Variants in PLCD1 observed in about 807,000 individuals in gnomAD.
PLCD1 encodes the protein phospholipase C delta 1.
A neutral mutation model predicts 87.4 loss-of-function variants in PLCD1; 71 were observed. The observed-to-expected ratio is 0.81, with a 90% CI of 0.67 to 0.99. The LOEUF (loss-of-function observed/expected upper bound fraction) is 0.99, where lower values mean the gene tolerates loss of function less well. Among genes scored for constraint, PLCD1 ranks in the 50% least tolerant of loss-of-function variants. The pLI is 0.00. For synonymous variants in PLCD1, 348 were observed against 399.2 expected (o/e 0.87, Z 1.53); for missense variants, 867 against 1,001.5 (o/e 0.87, Z 1.81).
chr3:38,020,572 T>C (rs368528966), intron 1 of PLCD1, among the ~76,000 whole-genome samples: 2 of 152,114 alleles, frequency 1.3e-5, no homozygotes, highest in Non-Finnish European at 2.9e-5. Flanking sequence ...AAGGTGACCA[T>C]GCAAACGGGA....
intron 3 of PLCD1, among the ~76,000 whole-genome samples, chr3:38,012,336 T>C (rs776455021): frequency 1.3e-5 from 2 of 151,912 alleles, no homozygotes; most frequent in Non-Finnish European, 2.9e-5. Context: ...TAATAATAAA[T>C]ATCCAACACT....
At position 38,011,674 on chromosome 3, in the gene PLCD1, C is replaced by T. The variant is rs777151005; in HGVS notation, c.429-1G>A. On this transcript the variant is annotated splice_acceptor_variant, in intron 3 of 14. Transcript: ENST00000334661. LOFTEE classifies it high-confidence loss of function. ...TTTTCGCAAGCAGGAGTGAATCCAG[C>T]TGGGCAAGAAGTAAGGAAAGAACCC... is the stretch of plus-strand genomic sequence containing the variant. 2.5e-6 allele frequency: 4 copies of T among 1,614,202 alleles called. No individual in the cohort carries two copies. The highest frequency in any genetic ancestry group is 2.2e-5 in the East Asian group (1 of 44,884).
intron 1 of PLCD1, 56 bp from the exon 2 acceptor site, chr3:38,020,408 A>AG: frequency 6.5e-7 from 1 of 1,544,782 alleles, no homozygotes; most frequent in Non-Finnish European, 8.9e-7. Context: ...CTGATGCCCT[A>AG]GGCCTCACAC....
intron 1 of PLCD1, chr3:38,024,430 G>C: frequency 6.2e-7 from 1 of 1,611,674 alleles, no homozygotes; most frequent in Non-Finnish European, 8.5e-7. Context: ...CCCAGGCACT[G>C]CATGGCCCTC....
rs1188986206 is a variant in PLCD1, at chr3:38,007,779, C to T, written c.2265G>A (p.Gln755=). 1.9e-6 allele frequency: 3 copies of T among 1,613,558 alleles called. No individual in the cohort carries two copies. In the African/African-American group the frequency reaches 4.0e-5, roughly 22 times the overall value. The change falls in exon 15 of 15, where the codon CAG becomes CAA. Residue 755 remains glutamine (Q), a synonymous_variant. Transcript: ENST00000334661. ...CCCACTGGCTTCCTCCAGCCTAGTC[C>T]TGGAGGGAGATCTTCACAAAGAGGG... is the stretch of plus-strand genomic sequence containing the variant. The part of the protein sequence containing the change: ...SATLFVKISL[Q]D
At position 38,008,330 on chromosome 3, in the gene PLCD1, T is replaced by C. The variant is rs182803730; in HGVS notation, c.1940A>G (p.Asn647Ser). 179 of 1,614,234 alleles carry C rather than the reference T, an allele frequency of 1.1e-4. No homozygotes were observed. Among genetic ancestry groups the C allele is most frequent in the Non-Finnish European group, 1.4e-4 (161 of 1,180,028 alleles). Residue 647 changes from asparagine (N) to serine (S), a missense_variant, in exon 13 of 15, where the codon AAT becomes AGT. Physicochemically the swap from Asn to Ser is conservative, Grantham distance 46. Transcript: ENST00000334661. ...TTTGGGGTCCACAATTGAATTCTTA[T>C]TCTTGTTGACTTTTGGCAGCTGCTG... is the stretch of plus-strand genomic sequence containing the variant. ...SGQQLPKVNKNKNSIVDPKVT... is the reference protein window; with the variant it reads ...SGQQLPKVNKSKNSIVDPKVT...
At chr3:38,014,886 T>C (rs1700132951) in intron 3 of PLCD1, among the ~76,000 whole-genome samples, 2 of 152,118 alleles carry the variant, frequency 1.3e-5, no homozygotes, top group South Asian at 4.2e-4. Context: ...TCACTAATCA[T>C]TAGGGAAATG....
intron 1 of PLCD1, among the ~76,000 whole-genome samples, chr3:38,022,448 C>G (rs1700249251): frequency 6.6e-6 from 1 of 152,202 alleles, no homozygotes; most frequent in Admixed American, 6.5e-5. Context: ...TGCCAGCACC[C>G]CACCCCACAA....
At chr3:38,011,936 C>T (rs1700084781) in intron 3 of PLCD1, among the ~76,000 whole-genome samples, 2 of 152,064 alleles carry the variant, frequency 1.3e-5, no homozygotes, top group Admixed American at 1.3e-4. Context: ...TTAGAAAATG[C>T]AGAAAAGTAA....
chr3:38,014,489 AT>A, intron 3 of PLCD1: 1 of 153,926 alleles, frequency 6.5e-6, no homozygotes, highest in African/African-American at 2.4e-5. Context: ...GCCAAAAAAA[AT>A]AAACAACAAA....
At chr3:38,026,468 G>A (rs1030923130) in intron 1 of PLCD1, among the ~76,000 whole-genome samples, 7 of 152,210 alleles carry the variant, frequency 4.6e-5, no homozygotes, top group Non-Finnish European at 7.3e-5. Context: ...TCGGTAAGCC[G>A]AGATGGCGCA....
chr3:38,022,602 C>A (rs1700251234), intron 1 of PLCD1, among the ~76,000 whole-genome samples: 2 of 152,212 alleles, frequency 1.3e-5, no homozygotes, highest in East Asian at 3.9e-4. Flanking sequence ...TGGAGCCAGG[C>A]TGTGGCCCTA....
At chr3:38,022,672 T>G (rs769608413) in intron 1 of PLCD1, among the ~76,000 whole-genome samples, 3 of 152,102 alleles carry the variant, frequency 2.0e-5, no homozygotes, top group Non-Finnish European at 2.9e-5. Context: ...AAGGTGGACA[T>G]CAGTTCCAGG....
chr3:38,007,723 G>A lies in PLCD1; in HGVS notation c.*50C>T. On this transcript the variant is annotated 3_prime_UTR_variant, in exon 15 of 15. Coordinates refer to ENST00000334661, the MANE Select transcript of PLCD1 (RefSeq NM_006225.4). ...CCACACCAGCCCTGTCCCCACATGTGGACAGAGGGCCCAGCCCACTCAGGG... is the reference window on the plus strand; with the variant it reads ...CCACACCAGCCCTGTCCCCACATGTAGACAGAGGGCCCAGCCCACTCAGGG... The A allele has an allele frequency of 7.2e-7, 1 of 1,379,786 alleles. No homozygotes were observed. Among genetic ancestry groups the A allele is most frequent in the Non-Finnish European group, 1.0e-6 (1 of 967,786 alleles). 85.5% of individuals were successfully genotyped at this position (1,379,786 alleles called of 1,614,324 possible). A position where few individuals can be genotyped will look rare whatever the true frequency, so the allele number is the denominator to read the frequency against.
In PLCD1 at chr3:38,020,355, G is replaced by A. The variant is rs1211294274; in HGVS notation, c.35-3C>T. ...TAGATCCTCATCATCCTGTAGGCCT[G>A]GGGATCAAAGCCAGTAAGATGCCAC... is the stretch of plus-strand genomic sequence containing the variant. On this transcript the variant is annotated splice_region_variant and splice_polypyrimidine_tract_variant and intron_variant, in intron 1 of 14. Transcript: ENST00000334661. The A allele has an allele frequency of 1.2e-6, 2 of 1,613,640 alleles. No individual in the cohort carries two copies. The highest frequency in any genetic ancestry group is 1.7e-5 in the Admixed American group (1 of 60,020).
At chr3:38,007,943 C>A (rs1484722221) in intron 14 of PLCD1, 71 bp downstream of exon 14, 2 of 1,607,818 alleles carry the variant, frequency 1.2e-6, no homozygotes, top group East Asian at 4.5e-5. Flanking sequence ...CAAGGGACAG[C>A]CAGCCCCAGC....
chr3:38,023,088 G>C (rs1700258268), intron 1 of PLCD1, among the ~76,000 whole-genome samples: 1 of 152,108 alleles, frequency 6.6e-6, no homozygotes, highest in South Asian at 2.1e-4. Flanking sequence ...ATGTGGTGGG[G>C]CATACAGGGT....
intron 8 of PLCD1, 31 bp downstream of exon 8, chr3:38,009,873 C>A: frequency 2.5e-6 from 4 of 1,597,604 alleles, no homozygotes; most frequent in Non-Finnish European, 3.4e-6. Context: ...TCCCCACCCT[C>A]CCCCAGGGAT....
In PLCD1 at chr3:38,013,208, C is replaced by CT. The variant is rs869279889; in HGVS notation, c.429-1536dup. Among the ~76,000 whole-genome samples, 620 of 118,480 alleles carry CT rather than the reference C, an allele frequency of 5.2e-3. 1 individual carries two copies. Among genetic ancestry groups the CT allele is most frequent in the African/African-American group, 0.012 (388 of 31,270 alleles). The allele number at this position is 118,480 out of a possible 152,430, so 77.7% of individuals were successfully genotyped here. A position where few individuals can be genotyped will look rare whatever the true frequency, so the allele number is the denominator to read the frequency against. ...CCCAGCCTTTCTGGATTTTAATTTT[C>CT]TTTTTTTTTTTTTTTTTTTCCTGAG... On this transcript the variant is annotated intron_variant, in intron 3 of 14. Coordinates refer to ENST00000334661, the MANE Select transcript of PLCD1 (RefSeq NM_006225.4).
Sources: allele counts gnomAD v4.1 joint callset (sites outside exome capture counted in the v4.1 genomes callset), GRCh38; gene constraint gnomAD v4.1.1; transcripts MANE v1.5; gene names NCBI Gene and HGNC (gene_info 2026-07-23, HGNC 2026-07-21).